Variants in MAPK4 observed in about 807,000 individuals in gnomAD.
The protein encoded by MAPK4 is Erk3-related.
In MAPK4, 22 loss-of-function variants were observed where a neutral mutation model predicts 47.7. The ratio of observed to expected loss-of-function variants is 0.46; its 90% confidence interval spans 0.33 to 0.66. MAPK4 has a LOEUF of 0.66. MAPK4 is among the 30% of genes least tolerant of loss of function. The pLI is 0.02. For missense variants in MAPK4, 736 were observed against 831.7 expected (o/e 0.88, Z 1.42); for synonymous variants, 390 against 365.7 (o/e 1.07, Z -0.76).
intron 2 of MAPK4, among the ~76,000 whole-genome samples, chr18:50,707,850 A>T (rs188398353): frequency 3.9e-4 from 59 of 152,274 alleles, no homozygotes; most frequent in African/African-American, 1.4e-3. Flanking sequence ...GAAACCTGGG[A>T]AGAGATGGTG....
At chr18:50,577,400 G>T in intron 1 of MAPK4, among the ~76,000 whole-genome samples, 1 of 152,206 alleles carries the variant, frequency 6.6e-6, no homozygotes. Flanking sequence ...CAAATTAGGT[G>T]CATGTTAGAA....
intron 4 of MAPK4, among the ~76,000 whole-genome samples, chr18:50,725,440 C>T (rs1249995324): frequency 2.6e-5 from 4 of 152,216 alleles, no homozygotes; most frequent in East Asian, 1.9e-4. Context: ...CAGGCTCCTC[C>T]GTCCCATTCC....
intron 2 of MAPK4, among the ~76,000 whole-genome samples, chr18:50,712,414 G>A (rs146821742): frequency 6.6e-6 from 1 of 152,270 alleles, no homozygotes; most frequent in Non-Finnish European, 1.5e-5. Flanking sequence ...GCGACAGAAT[G>A]CGAGAACCTG....
chr18:50,633,716 T>C (rs1280731250), intron 1 of MAPK4, among the ~76,000 whole-genome samples: 1 of 152,186 alleles, frequency 6.6e-6, no homozygotes, highest in Admixed American at 6.5e-5. Flanking sequence ...TACTATAAAG[T>C]CCTGGAGGGC....
chr18:50,608,929 C>G lies in MAPK4; in HGVS notation c.-871+48686C>G, dbSNP rs551583627. Among the ~76,000 whole-genome samples the G allele has an allele frequency of 9.4e-3, 1,422 of 151,914 alleles. 21 individuals carry two copies. Among genetic ancestry groups the G allele is most frequent in the African/African-American group, 0.032 (1,336 of 41,396 alleles). ...ATTAGGGAGTGGTGATGACTCTTAA[C>G]GAGCATGCTGCCTTCAAGCATCTGT... On this transcript the variant is annotated intron_variant, in intron 1 of 5. Coordinates refer to ENST00000400384, the MANE Select transcript of MAPK4 (RefSeq NM_002747.4).
chr18:50,702,844 G>A (rs1040108728), intron 2 of MAPK4, among the ~76,000 whole-genome samples: 10 of 152,180 alleles, frequency 6.6e-5, no homozygotes, highest in African/African-American at 1.4e-4. Context: ...CACAAACAGG[G>A]CCGGACCTAC....
chr18:50,654,352 A>C (rs2043084525), intron 1 of MAPK4, among the ~76,000 whole-genome samples: 1 of 152,198 alleles, frequency 6.6e-6, no homozygotes, highest in South Asian at 2.1e-4. Flanking sequence ...GGCACCATTC[A>C]ATAAGTACTG....
intron 1 of MAPK4, among the ~76,000 whole-genome samples, chr18:50,638,076 T>A (rs2042903536): frequency 6.6e-6 from 1 of 152,172 alleles, no homozygotes; most frequent in East Asian, 1.9e-4. Context: ...TAATGCTGGG[T>A]CCTTCCCCTC....
chr18:50,692,068 T>C (rs1392682169), intron 2 of MAPK4, among the ~76,000 whole-genome samples: 1 of 152,222 alleles, frequency 6.6e-6, no homozygotes, highest in African/African-American at 2.4e-5. Flanking sequence ...TAGCTTAGAA[T>C]GTCTACATTT....
chr18:50,561,858 C>A (rs148155602), intron 1 of MAPK4, among the ~76,000 whole-genome samples: 141 of 152,296 alleles, frequency 9.3e-4, no homozygotes, highest in Non-Finnish European at 1.7e-3. Flanking sequence ...AAGTCAGCCT[C>A]TTTGCATAAA....
At chr18:50,565,251 C>T (rs12327531) in intron 1 of MAPK4, among the ~76,000 whole-genome samples, 5,715 of 152,236 alleles carry the variant, frequency 0.038, 387 homozygotes, top group African/African-American at 0.13. Flanking sequence ...ACTTCTGTAT[C>T]GTCAGCAGCC....
chr18:50,718,331 G>C (rs955446413), intron 3 of MAPK4, among the ~76,000 whole-genome samples: 5 of 152,202 alleles, frequency 3.3e-5, no homozygotes, highest in Non-Finnish European at 7.3e-5. Flanking sequence ...CGATTCTCAT[G>C]TCTCAGCCTC....
chr18:50,643,386 T>C (rs971942908), intron 1 of MAPK4, among the ~76,000 whole-genome samples: 3 of 152,176 alleles, frequency 2.0e-5, no homozygotes, highest in African/African-American at 7.2e-5. Flanking sequence ...GGCATGGTGG[T>C]GCACACTTGT....
Position 50,663,074 on chromosome 18 carries a change from T to C in MAPK4, c.-870-15T>C, listed in dbSNP as rs1202108977. The C allele has an allele frequency of 1.3e-5, 2 of 152,206 alleles. No individual in the cohort carries two copies. Among genetic ancestry groups the C allele is most frequent in the Non-Finnish European group, 2.9e-5 (2 of 68,052 alleles). 9.4% of individuals were successfully genotyped at this position (152,206 alleles called of 1,614,324 possible). On this transcript the variant is annotated splice_polypyrimidine_tract_variant and intron_variant, in intron 1 of 5. Transcript: ENST00000400384. ...CCGGAGTGTGGAAATTTACCCAACG[T>C]TATTTCTTTGACAGGGAAGGAGACT...
At chr18:50,567,656 G>A (rs747346573) in intron 1 of MAPK4, among the ~76,000 whole-genome samples, 1 of 152,056 alleles carries the variant, frequency 6.6e-6, no homozygotes, top group Non-Finnish European at 1.5e-5. Flanking sequence ...AAGTAAAGGT[G>A]TCTTTATTGC....
At position 50,664,148 on chromosome 18, in the gene MAPK4, C is replaced by T. The variant is rs372835108; in HGVS notation, c.190C>T (p.Arg64Ter). The change falls in exon 2 of 6, where the codon CGA becomes TGA. Residue 64 changes from arginine (R) to a stop codon, truncating the protein, a stop_gained. Coordinates refer to ENST00000400384, the MANE Select transcript of MAPK4 (RefSeq NM_002747.4). LOFTEE classifies it high-confidence loss of function. The surrounding 1 kb of genome is among the most constrained non-coding windows in gnomAD (Gnocchi z 6.0). ...TGCCCGCAGCATGAAGCACGCGCTC[C>T]GAGAGATCAAGATCATTCGGCGCCT... is the stretch of plus-strand genomic sequence containing the variant. ...SDARSMKHAL[R>*]EIKIIRRLDH... The T allele has an allele frequency of 2.5e-6, 4 of 1,614,014 alleles. No homozygotes were observed. Among genetic ancestry groups the T allele is most frequent in the African/African-American group, 2.7e-5 (2 of 74,928 alleles).
At chr18:50,693,423 G>C (rs1358848442) in intron 2 of MAPK4, among the ~76,000 whole-genome samples, 1 of 152,088 alleles carries the variant, frequency 6.6e-6, no homozygotes, top group Admixed American at 6.5e-5. Flanking sequence ...ACCAAGCAGA[G>C]AGCAGTGATA....
In MAPK4 at chr18:50,587,772, A is replaced by G. The variant is rs547052641; in HGVS notation, c.-871+27529A>G. Among the ~76,000 whole-genome samples the G allele has an allele frequency of 3.6e-3, 541 of 152,284 alleles. 3 individuals are homozygous for G. Among genetic ancestry groups the G allele is most frequent in the African/African-American group, 0.012 (490 of 41,552 alleles). On this transcript the variant is annotated intron_variant, in intron 1 of 5. Transcript: ENST00000400384. ...GAGATGGAGTCTTGCTTCATTGCCC[A>G]GGCTGTAGTGCAGTGGCGCGATCTC...
intron 1 of MAPK4, among the ~76,000 whole-genome samples, chr18:50,613,181 C>A (rs970950417): frequency 1.3e-5 from 2 of 152,110 alleles, no homozygotes; most frequent in Admixed American, 1.3e-4. Flanking sequence ...TAGAATATGG[C>A]AAAAGTAATG....
Sources: allele counts gnomAD v4.1 joint callset (sites outside exome capture counted in the v4.1 genomes callset), GRCh38; gene constraint gnomAD v4.1.1; non-coding constraint Gnocchi (gnomAD v3.1); transcripts MANE v1.5; gene names NCBI Gene and HGNC (gene_info 2026-07-23, HGNC 2026-07-21).